Variants in LAMA2 observed in about 807,000 individuals in gnomAD.
LAMA2 encodes the protein laminin subunit alpha-2.
LAMA2 carries 269 observed loss-of-function variants against 364.8 expected under a neutral mutation model. That is an observed-to-expected ratio of 0.74 (90% CI 0.67 to 0.82). LAMA2 has a LOEUF of 0.82. Ranked by LOEUF, LAMA2 falls within the 40% of genes least tolerant of loss-of-function variation. LAMA2 has a pLI of 0.00. For synonymous variants in LAMA2, 1,379 were observed against 1,370.6 expected (o/e 1.01, Z -0.14); for missense variants, 3,807 against 3,873.2 (o/e 0.98, Z 0.45).
At chr6:129,412,414 C>CA (rs1221453870) in intron 40 of LAMA2, among the ~76,000 whole-genome samples, 1 of 151,910 alleles carries the variant, frequency 6.6e-6, no homozygotes, top group Non-Finnish European at 1.5e-5. Flanking sequence ...GCTGTTTTAC[C>CA]AAAAACCAAG....
chr6:129,206,529 T>C (rs1338966808), intron 12 of LAMA2, among the ~76,000 whole-genome samples: 1 of 152,244 alleles, frequency 6.6e-6, no homozygotes, highest in Non-Finnish European at 1.5e-5. Context: ...AAAAATTGTT[T>C]GGCATGTTTA....
At chr6:129,030,301 A>G (rs963199253) in intron 1 of LAMA2, among the ~76,000 whole-genome samples, 2 of 152,048 alleles carry the variant, frequency 1.3e-5, no homozygotes, top group African/African-American at 2.4e-5. Context: ...ATGTTCTTGC[A>G]TGGGTCTGAA....
In LAMA2 at chr6:129,483,063, A is replaced by AC. The variant is rs1211267622; in HGVS notation, c.7749+1625dup. Among the ~76,000 whole-genome samples, 151 of 112,066 alleles carry AC rather than the reference A, an allele frequency of 1.3e-3. 3 individuals carry two copies. The Middle Eastern group carries it at 0.016, about 12-fold the overall frequency. The allele number at this position is 112,066 out of a possible 152,430, so 73.5% of individuals were successfully genotyped here. A position where few individuals can be genotyped will look rare whatever the true frequency, so the allele number is the denominator to read the frequency against. Reference sequence around the variant, plus strand: ...GCCTGCGCGACAATGTGAGACTCCGACTCGAAAAAAAAAAAAAAAGAAAAA... The same window carrying AC: ...GCCTGCGCGACAATGTGAGACTCCGACCTCGAAAAAAAAAAAAAAAGAAAAA... On this transcript the variant is annotated intron_variant, in intron 55 of 64. Coordinates refer to ENST00000421865, the MANE Select transcript of LAMA2 (RefSeq NM_000426.4).
At chr6:129,347,321 G>A (rs1054085515) in intron 30 of LAMA2, among the ~76,000 whole-genome samples, 6 of 152,100 alleles carry the variant, frequency 3.9e-5, no homozygotes, top group Non-Finnish European at 8.8e-5. Context: ...TTTTTGGAGG[G>A]GGAGAAACTT....
At chr6:129,022,428 C>A (rs1258240497) in intron 1 of LAMA2, among the ~76,000 whole-genome samples, 1 of 152,128 alleles carries the variant, frequency 6.6e-6, no homozygotes, top group African/African-American at 2.4e-5. Context: ...ACCACACTAA[C>A]CACTCATTTA....
At chr6:129,479,852 C>G (rs1784265129) in intron 54 of LAMA2, 1 of 152,176 alleles carries the variant, frequency 6.6e-6, no homozygotes, top group Non-Finnish European at 1.5e-5. Flanking sequence ...CATAGACACC[C>G]ACTCTGAGAA....
intron 10 of LAMA2, among the ~76,000 whole-genome samples, chr6:129,189,637 T>C (rs1336336551): frequency 2.6e-5 from 4 of 152,102 alleles, no homozygotes; most frequent in African/African-American, 9.7e-5. Flanking sequence ...AAAACTTTGC[T>C]TTCTACTTTA....
At chr6:129,510,580 G>C (rs1786492412) in intron 62 of LAMA2, among the ~76,000 whole-genome samples, 1 of 152,056 alleles carries the variant, frequency 6.6e-6, no homozygotes, top group Non-Finnish European at 1.5e-5. Flanking sequence ...AAGTAACATA[G>C]TTCTTTCTAT....
intron 10 of LAMA2, among the ~76,000 whole-genome samples, chr6:129,184,513 G>A (rs1283335246): frequency 6.6e-6 from 1 of 151,790 alleles, no homozygotes; most frequent in Non-Finnish European, 1.5e-5. Context: ...GTTAAAGCAA[G>A]AATTCTGCTA....
intron 1 of LAMA2, among the ~76,000 whole-genome samples, chr6:129,047,654 A>T (rs1429629434): frequency 1.3e-5 from 2 of 152,202 alleles, no homozygotes; most frequent in East Asian, 3.8e-4. Flanking sequence ...CTGAGTTGTC[A>T]CTTGATCTTT....
chr6:129,190,176 CTG>C (rs1781446155), intron 10 of LAMA2, 27 bp from the exon 11 acceptor site: 1 of 1,610,904 alleles, frequency 6.2e-7, no homozygotes, highest in Non-Finnish European at 8.5e-7. Context: ...AAGGATACCT[CTG>C]TTGCTGATAC....
At chr6:129,104,627 T>C (rs537418439) in intron 4 of LAMA2, among the ~76,000 whole-genome samples, 2 of 152,220 alleles carry the variant, frequency 1.3e-5, no homozygotes, top group Non-Finnish European at 2.9e-5. Flanking sequence ...TACTGCCCTA[T>C]GTTCATATCA....
chr6:129,497,962 A>G (rs1184989183), intron 58 of LAMA2, among the ~76,000 whole-genome samples: 2 of 152,066 alleles, frequency 1.3e-5, no homozygotes, highest in Admixed American at 1.3e-4. Context: ...ATTTGTGGAT[A>G]TTTTTCATGG....
At chr6:129,394,171 C>T (rs1779480311) in intron 37 of LAMA2, among the ~76,000 whole-genome samples, 1 of 152,188 alleles carries the variant, frequency 6.6e-6, no homozygotes, top group Non-Finnish European at 1.5e-5. Context: ...ACAACAACAA[C>T]TTTCTCCCCA....
chr6:128,968,574 G>A (rs954820708), intron 1 of LAMA2, among the ~76,000 whole-genome samples: 1 of 152,218 alleles, frequency 6.6e-6, no homozygotes, highest in Admixed American at 6.5e-5. Flanking sequence ...CTAAAGAAGT[G>A]TTGGGTTGGT....
At chr6:129,249,420 G>A (rs1309540211) in intron 12 of LAMA2, among the ~76,000 whole-genome samples, 2 of 152,124 alleles carry the variant, frequency 1.3e-5, no homozygotes, top group Non-Finnish European at 2.9e-5. Context: ...GACTGTCAAT[G>A]TCAGAAAATG....
intron 40 of LAMA2, among the ~76,000 whole-genome samples, chr6:129,419,693 C>T (rs1206168288): frequency 6.6e-6 from 1 of 152,076 alleles, no homozygotes; most frequent in Non-Finnish European, 1.5e-5. Context: ...TTATCATGAG[C>T]AATTTGGGGG....
intron 4 of LAMA2, among the ~76,000 whole-genome samples, chr6:129,099,418 C>A (rs1775390568): frequency 6.6e-6 from 1 of 151,982 alleles, no homozygotes; most frequent in Admixed American, 6.6e-5. Context: ...CAAACTTTGA[C>A]TTAGTGACTC....
At chr6:129,311,163 C>T (rs1210758626) in intron 22 of LAMA2, among the ~76,000 whole-genome samples, 1 of 151,874 alleles carries the variant, frequency 6.6e-6, no homozygotes, top group Non-Finnish European at 1.5e-5. Context: ...GCTCTGTCGC[C>T]TAGGCTGGAG....
Sources: gnomAD v4.1 joint callset for allele counts (sites outside exome capture counted in the v4.1 genomes callset) on GRCh38, gnomAD v4.1.1 for gene constraint, MANE v1.5 for transcripts, NCBI Gene and HGNC (gene_info 2026-07-23, HGNC 2026-07-21) for gene names.